Variants in PALM2AKAP2 observed in about 807,000 individuals in gnomAD.
The protein encoded by PALM2AKAP2 is PALM2-AKAP2 fusion protein.
PALM2AKAP2 carries 37 observed loss-of-function variants against 71.5 expected under a neutral mutation model. The observed-to-expected ratio is 0.52, with a 90% CI of 0.40 to 0.68. The LOEUF is 0.68. PALM2AKAP2 is among the 30% of genes least tolerant of loss of function. The pLI is 0.00. For missense variants in PALM2AKAP2, 1,224 were observed against 1,191.8 expected (o/e 1.03, Z -0.40); for synonymous variants, 468 against 478.8 (o/e 0.98, Z 0.29).
intron 1 of PALM2AKAP2, among the ~76,000 whole-genome samples, chr9:109,694,864 A>G (rs1827947862): frequency 6.6e-6 from 1 of 152,110 alleles, no homozygotes; most frequent in Non-Finnish European, 1.5e-5. Context: ...GTCCAGAAAT[A>G]CACCCAAATA....
At chr9:109,740,325 A>T (rs987156900) in intron 1 of PALM2AKAP2, among the ~76,000 whole-genome samples, 3 of 152,224 alleles carry the variant, frequency 2.0e-5, no homozygotes, top group Admixed American at 6.5e-5. Context: ...GTTGATGAGT[A>T]CTATAGCAAA....
intron 6 of PALM2AKAP2, among the ~76,000 whole-genome samples, chr9:109,981,366 A>G (rs1832266270): frequency 6.6e-6 from 1 of 152,198 alleles, no homozygotes; most frequent in Non-Finnish European, 1.5e-5. Flanking sequence ...TAGCACACCT[A>G]AGCTGCTTAG....
intron 1 of PALM2AKAP2, among the ~76,000 whole-genome samples, chr9:109,681,197 C>T (rs1248730888): frequency 6.6e-6 from 1 of 152,152 alleles, no homozygotes; most frequent in Non-Finnish European, 1.5e-5. Context: ...TTTTCTTCCA[C>T]TGGTCTATGA....
At chr9:109,968,480 A>AAG in intron 6 of PALM2AKAP2, among the ~76,000 whole-genome samples, 1 of 152,316 alleles carries the variant, frequency 6.6e-6, no homozygotes, top group East Asian at 1.9e-4. Flanking sequence ...GTTTTCTCCG[A>AAG]AGACGTCTAG....
At chr9:109,884,452 C>G (rs1829921925) in intron 3 of PALM2AKAP2, among the ~76,000 whole-genome samples, 1 of 151,954 alleles carries the variant, frequency 6.6e-6, no homozygotes, top group South Asian at 2.1e-4. Context: ...CAGAGTGAGA[C>G]TACATTTCAA....
intron 2 of PALM2AKAP2, among the ~76,000 whole-genome samples, chr9:110,152,091 G>A (rs1170138024): frequency 2.0e-5 from 3 of 152,126 alleles, no homozygotes; most frequent in Non-Finnish European, 4.4e-5. Context: ...ACAAAAATTA[G>A]CCAGGCATAG....
At chr9:109,764,279 T>C (rs947087143) in intron 1 of PALM2AKAP2, among the ~76,000 whole-genome samples, 1 of 151,884 alleles carries the variant, frequency 6.6e-6, no homozygotes, top group Non-Finnish European at 1.5e-5. Flanking sequence ...ACCTGGAGCT[T>C]ATCTCATCTC....
chr9:109,845,726 T>G (rs1828836608), intron 1 of PALM2AKAP2, among the ~76,000 whole-genome samples: 1 of 152,208 alleles, frequency 6.6e-6, no homozygotes, highest in African/African-American at 2.4e-5. Context: ...ATTTGTTTAT[T>G]TATTTACTGT....
intron 1 of PALM2AKAP2, among the ~76,000 whole-genome samples, chr9:109,825,718 G>A (rs1016593151): frequency 6.6e-6 from 1 of 152,152 alleles, no homozygotes; most frequent in African/African-American, 2.4e-5. Flanking sequence ...GGAACAACAG[G>A]TGCTGGAGAG....
At chr9:109,911,425 G>A (rs1051431853) in intron 3 of PALM2AKAP2, among the ~76,000 whole-genome samples, 1 of 152,178 alleles carries the variant, frequency 6.6e-6, no homozygotes, top group Non-Finnish European at 1.5e-5. Flanking sequence ...ATGAAAAGGA[G>A]AGAAAAGCTG....
At chr9:110,014,798 AAAAAAATGTATAT>A in intron 6 of PALM2AKAP2, among the ~76,000 whole-genome samples, 2 of 57,156 alleles carry the variant, frequency 3.5e-5, no homozygotes, top group African/African-American at 1.3e-4. Flanking sequence ...AAAAAAAAAA[AAAAAAATGTATAT>A]ATATATATAT....
chr9:110,063,735 C>T (rs965293955), intron 1 of PALM2AKAP2, among the ~76,000 whole-genome samples: 7 of 152,174 alleles, frequency 4.6e-5, no homozygotes, highest in African/African-American at 1.2e-4. Flanking sequence ...TGAGCCACCA[C>T]GCTTGGCTCA....
intron 1 of PALM2AKAP2, among the ~76,000 whole-genome samples, chr9:109,798,236 G>A (rs1827319111): frequency 1.3e-5 from 2 of 152,194 alleles, no homozygotes; most frequent in Non-Finnish European, 2.9e-5. Flanking sequence ...ATAAGTTGAT[G>A]ACTTCTGAAA....
intron 1 of PALM2AKAP2, among the ~76,000 whole-genome samples, chr9:110,060,848 C>T (rs1399704989): frequency 1.3e-5 from 2 of 152,136 alleles, no homozygotes; most frequent in African/African-American, 2.4e-5. Context: ...GATCCACCCG[C>T]CTCAGCCTCC....
intron 1 of PALM2AKAP2, among the ~76,000 whole-genome samples, chr9:109,821,474 C>T (rs1301579769): frequency 9.9e-5 from 15 of 152,212 alleles, no homozygotes; most frequent in Non-Finnish European, 2.9e-5. Flanking sequence ...GGGTCTACCT[C>T]ATTTCAGAAT....
At chr9:109,675,823 C>T (rs556414621) in intron 1 of PALM2AKAP2, among the ~76,000 whole-genome samples, 8 of 152,302 alleles carry the variant, frequency 5.3e-5, no homozygotes, top group African/African-American at 1.4e-4. Context: ...TACCTCTTCT[C>T]CAGTTGTGCT....
intron 1 of PALM2AKAP2, among the ~76,000 whole-genome samples, chr9:109,676,427 G>A (rs557802863): frequency 9.9e-5 from 15 of 152,270 alleles, no homozygotes; most frequent in Admixed American, 7.9e-4. Context: ...AGCAAATTTG[G>A]ATGAAATATG....
intron 6 of PALM2AKAP2, among the ~76,000 whole-genome samples, chr9:109,941,749 CA>C (rs1168965859): frequency 2.0e-5 from 3 of 152,104 alleles, no homozygotes; most frequent in Non-Finnish European, 2.9e-5. Context: ...CTGTCCTTAG[CA>C]ACCCCAGACT....
At chr9:110,171,280 G>A (rs1836852670) in exon 4 of PALM2AKAP2, 1 of 152,222 alleles carries the variant, frequency 6.6e-6, no homozygotes, top group African/African-American at 2.4e-5. Flanking sequence ...AAGAATAACA[G>A]AGTTCTAGAG....
Sources: gnomAD v4.1 joint callset for allele counts (sites outside exome capture counted in the v4.1 genomes callset) on GRCh38, gnomAD v4.1.1 for gene constraint, MANE v1.5 for transcripts, NCBI Gene and HGNC (gene_info 2026-07-23, HGNC 2026-07-21) for gene names.